HMG20A: variants seen among roughly 807,000 people sequenced by gnomAD.
The protein encoded by HMG20A is high mobility group 20A, also known as high mobility group protein 20A.
A neutral mutation model predicts 43.9 loss-of-function variants in HMG20A; 17 were observed. The ratio of observed to expected loss-of-function variants is 0.39; its 90% CI spans 0.27 to 0.58. The LOEUF (loss-of-function observed/expected upper bound fraction) is 0.58, where lower values mean the gene tolerates loss of function less well. Among genes scored for constraint, HMG20A ranks in the 20% least tolerant of loss-of-function variants. The pLI is 0.59. For missense variants in HMG20A, 341 were observed against 438.2 expected (o/e 0.78, Z 1.98); for synonymous variants, 132 against 147.5 (o/e 0.89, Z 0.76).
the HMG20A span, among the ~76,000 whole-genome samples, chr15:77,513,584 T>C: frequency 2.0e-5 from 3 of 152,162 alleles, no homozygotes; most frequent in Non-Finnish European, 4.4e-5. Flanking sequence ...TGGCTTCTGG[T>C]GAGTCCTCTC....
chr15:77,471,768 C>A lies in HMG20A; in HGVS notation c.584-15C>A. 1.3e-6 allele frequency: 2 copies of A among 1,560,430 alleles called. No homozygotes were observed. Among genetic ancestry groups the A allele is most frequent in the East Asian group, 2.3e-5 (1 of 44,392 alleles). ...TTTTTAAATGTAATGTTCTCTTATT[C>A]TTTTATATTTTTAGATGCAGCCCGG... On this transcript the variant is annotated splice_polypyrimidine_tract_variant and intron_variant, in intron 5 of 9. Coordinates refer to ENST00000336216, the MANE Select transcript of HMG20A (RefSeq NM_001304504.2).
chr15:77,496,042 G>T, the HMG20A span, among the ~76,000 whole-genome samples: 1 of 152,134 alleles, frequency 6.6e-6, no homozygotes, highest in Non-Finnish European at 1.5e-5. Context: ...AGGGAGGAAG[G>T]GAGCCGAGCA....
intron 1 of HMG20A, among the ~76,000 whole-genome samples, chr15:77,421,289 T>C (rs2073329584): frequency 6.6e-6 from 1 of 152,176 alleles, no homozygotes; most frequent in Non-Finnish European, 1.5e-5. Context: ...GCGGAGACAT[T>C]ATCTTGCAGC....
the HMG20A span, among the ~76,000 whole-genome samples, chr15:77,514,320 A>G: frequency 1.3e-5 from 2 of 152,236 alleles, no homozygotes; most frequent in African/African-American, 4.8e-5. Context: ...AACATATACT[A>G]TATAATTTCA....
intron 5 of HMG20A, 96 bp downstream of exon 5, chr15:77,471,138 TTC>T (rs1567405200): frequency 8.1e-7 from 1 of 1,239,806 alleles, no homozygotes; most frequent in Non-Finnish European, 1.1e-6. Flanking sequence ...AAAGATGTGT[TTC>T]TGTTTTTTCT....
chr15:77,503,628 AGAG>A, the HMG20A span, among the ~76,000 whole-genome samples: 1,290 of 152,306 alleles, frequency 8.5e-3, 19 homozygotes, highest in African/African-American at 0.03. Context: ...TGAGACCCAA[AGAG>A]GAGAAGTGAT....
intron 1 of HMG20A, among the ~76,000 whole-genome samples, chr15:77,453,207 GACAAC>G (rs1366383978): frequency 6.6e-6 from 1 of 152,106 alleles, no homozygotes; most frequent in African/African-American, 2.4e-5. Context: ...CTCCAGCATG[GACAAC>G]AGAATGATAC....
intron 1 of HMG20A, among the ~76,000 whole-genome samples, chr15:77,455,831 A>G (rs1164901271): frequency 3.3e-5 from 5 of 152,068 alleles, no homozygotes; most frequent in African/African-American, 1.2e-4. Context: ...CTTTTGAATC[A>G]CTCCCTCATG....
intron 4 of HMG20A, among the ~76,000 whole-genome samples, chr15:77,469,592 C>T (rs1442132998): frequency 3.3e-5 from 5 of 152,168 alleles, no homozygotes; most frequent in Non-Finnish European, 7.3e-5. Context: ...TTGCCTTGGC[C>T]TCCCAACATC....
the HMG20A span, among the ~76,000 whole-genome samples, chr15:77,515,251 G>A: frequency 3.3e-5 from 5 of 152,302 alleles, no homozygotes; most frequent in East Asian, 9.6e-4. Flanking sequence ...GGAAAAGGGG[G>A]AGTGTATGTC....
intron 1 of HMG20A, among the ~76,000 whole-genome samples, chr15:77,432,332 T>G (rs1383806571): frequency 6.6e-6 from 1 of 152,008 alleles, no homozygotes; most frequent in Non-Finnish European, 1.5e-5. Flanking sequence ...AAATCAGTTA[T>G]CTAAATACCC....
At chr15:77,510,672 T>C in the HMG20A span, among the ~76,000 whole-genome samples, 2 of 152,166 alleles carry the variant, frequency 1.3e-5, no homozygotes, top group Non-Finnish European at 2.9e-5. Context: ...AGGGCAACAC[T>C]GTGGCCTCCA....
intron 1 of HMG20A, among the ~76,000 whole-genome samples, chr15:77,435,627 C>G (rs1245876195): frequency 6.6e-6 from 1 of 152,114 alleles, no homozygotes; most frequent in Non-Finnish European, 1.5e-5. Flanking sequence ...CTTAAACCCT[C>G]CACTCCCTCA....
the HMG20A span, among the ~76,000 whole-genome samples, chr15:77,513,732 C>CA: frequency 7.0e-6 from 1 of 143,182 alleles, no homozygotes; most frequent in Non-Finnish European, 1.5e-5. Flanking sequence ...TCACTACCTC[C>CA]TTTTTTTTTT....
Position 77,438,295 on chromosome 15 carries a change from A to C in HMG20A, c.-5+17291A>C, listed in dbSNP as rs984394892. Among the ~76,000 whole-genome samples the C allele has an allele frequency of 1.3e-5, 2 of 151,954 alleles. 1 individual carries two copies. The highest frequency in any genetic ancestry group is 4.2e-4 in the South Asian group (2 of 4,816). ...GACCCAGCCAAACTGCAATTTTAAA[A>C]AAATACATAAGGGCCCTACAAAGAA... On this transcript the variant is annotated intron_variant, in intron 1 of 9. Coordinates refer to ENST00000336216, the MANE Select transcript of HMG20A (RefSeq NM_001304504.2).
chr15:77,441,282 G>A (rs1036370183), intron 1 of HMG20A, among the ~76,000 whole-genome samples: 2 of 152,086 alleles, frequency 1.3e-5, no homozygotes, highest in African/African-American at 4.8e-5. Flanking sequence ...CTCCCTCCCA[G>A]ATAGCAAATA....
the HMG20A span, among the ~76,000 whole-genome samples, chr15:77,510,449 G>C: frequency 0.64 from 97,244 of 152,134 alleles, 31,701 homozygotes; most frequent in Non-Finnish European, 0.71. Context: ...AACCTCTAAG[G>C]CATTTGTATT....
chr15:77,491,261 T>G, the HMG20A span, among the ~76,000 whole-genome samples: 2 of 152,220 alleles, frequency 1.3e-5, no homozygotes, highest in East Asian at 3.8e-4. Flanking sequence ...GTTTAAAGAC[T>G]CAGCAAATGG....
chr15:77,423,587 C>G (rs1418942991), intron 1 of HMG20A, among the ~76,000 whole-genome samples: 1 of 151,706 alleles, frequency 6.6e-6, no homozygotes, highest in African/African-American at 2.4e-5. Context: ...TTTTCTTTTC[C>G]AAAGACAGTC....
Sources: allele counts gnomAD v4.1 joint callset (sites outside exome capture counted in the v4.1 genomes callset), GRCh38; gene constraint gnomAD v4.1.1; transcripts MANE v1.5; gene names NCBI Gene and HGNC (gene_info 2026-07-23, HGNC 2026-07-21).